Variants in RRAS2 observed in about 807,000 individuals in gnomAD.
The protein encoded by RRAS2 is RAS related 2.
A neutral mutation model predicts 27.6 loss-of-function variants in RRAS2; 7 were observed. The ratio of observed to expected loss-of-function variants is 0.25; its 90% CI spans 0.14 to 0.48. RRAS2 has a LOEUF of 0.48. RRAS2 is among the 20% of genes least tolerant of loss of function. The probability of loss-of-function intolerance (pLI) is 0.99; values close to 1 mark genes in which losing one functional copy is unlikely to be tolerated. For missense variants in RRAS2, 178 were observed against 256.2 expected (o/e 0.69, Z 2.08); for synonymous variants, 86 against 90.9 (o/e 0.95, Z 0.31).
At chr11:14,350,104 C>G (rs1372822365) in intron 1 of RRAS2, among the ~76,000 whole-genome samples, 3 of 152,194 alleles carry the variant, frequency 2.0e-5, no homozygotes, top group Non-Finnish European at 4.4e-5. Context: ...CCCCAATGAA[C>G]AAATACATAC....
chr11:14,361,261 C>T (rs533862534), upstream of RRAS2, among the ~76,000 whole-genome samples: 38 of 151,996 alleles, frequency 2.5e-4, no homozygotes, highest in Non-Finnish European at 8.8e-5. Flanking sequence ...CGAGATCACA[C>T]CACTGCACTC....
intron 1 of RRAS2, among the ~76,000 whole-genome samples, chr11:14,352,786 G>A (rs1259895128): frequency 6.7e-6 from 1 of 150,048 alleles, no homozygotes; most frequent in East Asian, 2.0e-4. Context: ...GAGAGGGAGA[G>A]AGAGAGAGAG....
chr11:14,335,882 C>T (rs1848579336), intron 1 of RRAS2, among the ~76,000 whole-genome samples: 1 of 152,158 alleles, frequency 6.6e-6, no homozygotes, highest in Non-Finnish European at 1.5e-5. Flanking sequence ...GCTAAAGGAC[C>T]AGAACAGGAC....
chr11:14,357,290 T>A (rs1849101149), intron 1 of RRAS2, among the ~76,000 whole-genome samples: 1 of 152,136 alleles, frequency 6.6e-6, no homozygotes, highest in Admixed American at 6.6e-5. Context: ...CTCCTCCACT[T>A]ATCCCCTCAC....
chr11:14,298,449 G>C (rs541993379), intron 1 of RRAS2, among the ~76,000 whole-genome samples: 56 of 152,288 alleles, frequency 3.7e-4, no homozygotes, highest in Admixed American at 1.8e-3. Context: ...AAAGATTGTT[G>C]CAACTTTGAA....
intron 1 of RRAS2, among the ~76,000 whole-genome samples, chr11:14,300,945 A>G (rs782334426): frequency 1.3e-5 from 2 of 152,132 alleles, no homozygotes; most frequent in Non-Finnish European, 2.9e-5. Context: ...AATTTACTGG[A>G]AATTCTAGGA....
chr11:14,321,162 G>A (rs1848215220), intron 1 of RRAS2, among the ~76,000 whole-genome samples: 1 of 147,426 alleles, frequency 6.8e-6, no homozygotes, highest in East Asian at 2.0e-4. Context: ...CTAGACAACA[G>A]ACCAAGACTC....
At chr11:14,309,594 G>A (rs1473905424) in intron 1 of RRAS2, among the ~76,000 whole-genome samples, 1 of 152,246 alleles carries the variant, frequency 6.6e-6, no homozygotes, top group African/African-American at 2.4e-5. Flanking sequence ...CGCACAATGT[G>A]ACACTGGAGA....
At chr11:14,291,067 G>A (rs1849800957) in intron 4 of RRAS2, among the ~76,000 whole-genome samples, 1 of 152,176 alleles carries the variant, frequency 6.6e-6, no homozygotes, top group Non-Finnish European at 1.5e-5. Flanking sequence ...GTTTATCCAT[G>A]TAAGTGGAGG....
chr11:14,293,760 T>C (rs1233340096), intron 4 of RRAS2, among the ~76,000 whole-genome samples: 5 of 152,194 alleles, frequency 3.3e-5, no homozygotes, highest in African/African-American at 1.2e-4. Context: ...GGGTATGTCC[T>C]TTTAGCAGCA....
At chr11:14,294,709 T>C (rs1485851794) in intron 3 of RRAS2, 51 bp downstream of exon 3, 1 of 1,565,740 alleles carries the variant, frequency 6.4e-7, no homozygotes, top group Middle Eastern at 1.7e-4. Flanking sequence ...CTCAATAAAG[T>C]CTAGTGATCT....
At chr11:14,348,143 T>C (rs1186832166) in intron 1 of RRAS2, among the ~76,000 whole-genome samples, 1 of 152,162 alleles carries the variant, frequency 6.6e-6, no homozygotes, top group Non-Finnish European at 1.5e-5. Flanking sequence ...TTAATTTCAT[T>C]CAATGCCTCG....
intron 1 of RRAS2, among the ~76,000 whole-genome samples, chr11:14,348,779 T>C (rs943955772): frequency 6.6e-6 from 1 of 152,202 alleles, no homozygotes; most frequent in African/African-American, 2.4e-5. Flanking sequence ...TCCATTTCTC[T>C]AAGGTTCCTT....
At chr11:14,331,440 A>T (rs190359379) in intron 1 of RRAS2, among the ~76,000 whole-genome samples, 150 of 152,336 alleles carry the variant, frequency 9.8e-4, no homozygotes, top group Non-Finnish European at 1.6e-3. Context: ...TAGGATACTT[A>T]TATAACTTAT....
rs1437348687 is a variant in RRAS2, at chr11:14,358,525, C to T, written c.108+238G>A. ...CTTCCCACCCTTCCAGCTCCGCCCT[C>T]CCGACCACATTCCTGAGAAGCCCTA... On this transcript the variant is annotated intron_variant, in intron 1 of 5. Coordinates refer to ENST00000256196, the MANE Select transcript of RRAS2 (RefSeq NM_012250.6). The surrounding 1 kb of genome is among the most constrained non-coding windows in gnomAD (Gnocchi z 5.1). The T allele has an allele frequency of 5.0e-5, 49 of 986,032 alleles. No individual in the cohort carries two copies. Among genetic ancestry groups the T allele is most frequent in the Non-Finnish European group, 5.9e-5 (49 of 830,586 alleles). The allele number at this position is 986,032 out of a possible 1,614,324, so 61.1% of individuals were successfully genotyped here.
At chr11:14,313,755 A>C (rs1554949154) in intron 1 of RRAS2, among the ~76,000 whole-genome samples, 1 of 152,198 alleles carries the variant, frequency 6.6e-6, no homozygotes, top group Non-Finnish European at 1.5e-5. Flanking sequence ...AGAGGCATGG[A>C]AATGATTCTT....
At chr11:14,352,638 T>C (rs1356270189) in intron 1 of RRAS2, among the ~76,000 whole-genome samples, 10 of 127,982 alleles carry the variant, frequency 7.8e-5, no homozygotes, top group Non-Finnish European at 1.3e-4. Flanking sequence ...GGAATTAATA[T>C]CCTAAAGACC....
intron 1 of RRAS2, among the ~76,000 whole-genome samples, chr11:14,302,912 GT>G (rs1295487921): frequency 6.6e-6 from 1 of 152,172 alleles, no homozygotes; most frequent in African/African-American, 2.4e-5. Flanking sequence ...CACTTAACCT[GT>G]TTGAACCTCA....
chr11:14,344,146 T>C (rs528902268), intron 1 of RRAS2, among the ~76,000 whole-genome samples: 1 of 150,696 alleles, frequency 6.6e-6, no homozygotes, highest in Admixed American at 6.6e-5. Context: ...CAAAATAATT[T>C]AAAAAAAAAA....
Sources: allele counts gnomAD v4.1 joint callset (sites outside exome capture counted in the v4.1 genomes callset), GRCh38; gene constraint gnomAD v4.1.1; non-coding constraint Gnocchi (gnomAD v3.1); transcripts MANE v1.5; gene names NCBI Gene and HGNC (gene_info 2026-07-23, HGNC 2026-07-21).